UTRN: variants seen among roughly 807,000 people sequenced by gnomAD.
UTRN encodes utrophin.
Under a neutral mutation model 463.9 loss-of-function variants are expected in UTRN, and 283 were observed. The observed-to-expected ratio is 0.61, with a 90% CI of 0.55 to 0.67. The LOEUF (loss-of-function observed/expected upper bound fraction) is 0.67. Ranked by LOEUF, UTRN falls within the 30% of genes least tolerant of loss-of-function variation. The pLI, the probability that UTRN is intolerant of heterozygous loss-of-function variation, is 0.00. For synonymous variants in UTRN, 1,442 were observed against 1,431.5 expected (o/e 1.01, Z -0.17); for missense variants, 3,922 against 4,084.3 (o/e 0.96, Z 1.08).
chr6:144,722,370 A>C (rs371582693), intron 53 of UTRN, among the ~76,000 whole-genome samples: 2 of 151,532 alleles, frequency 1.3e-5, no homozygotes, highest in East Asian at 2.0e-4. Flanking sequence ...CTGACCACTT[A>C]CACAAAATAT....
At chr6:144,670,555 A>G (rs574531230) in intron 51 of UTRN, among the ~76,000 whole-genome samples, 6 of 152,040 alleles carry the variant, frequency 3.9e-5, no homozygotes, top group African/African-American at 1.4e-4. Context: ...TAGTTTGTGA[A>G]TATTTTTCCC....
intron 9 of UTRN, among the ~76,000 whole-genome samples, chr6:144,433,226 C>A (rs1392967649): frequency 6.6e-6 from 1 of 151,572 alleles, no homozygotes; most frequent in African/African-American, 2.4e-5. Context: ...GGGTGGTGGC[C>A]GGGCAGAGGG....
chr6:144,567,643 A>G (rs1340570518), intron 50 of UTRN, among the ~76,000 whole-genome samples: 4 of 152,198 alleles, frequency 2.6e-5, no homozygotes, highest in African/African-American at 9.6e-5. Context: ...TACCTTGTGA[A>G]GGTGCTCACT....
chr6:144,363,110 CATA>C (rs1779217874), intron 2 of UTRN, among the ~76,000 whole-genome samples: 1 of 152,044 alleles, frequency 6.6e-6, no homozygotes, highest in Non-Finnish European at 1.5e-5. Context: ...AATGGTTATA[CATA>C]ATAATTGATG....
In UTRN at chr6:144,554,861, G is replaced by A. The variant is rs1585248947; in HGVS notation, c.7102G>A (p.Asp2368Asn). Reference sequence around the variant, plus strand: ...CTATATTCTTCAGCAAGCCCGACGGGATCCACTCACCAAACAAATTTCTGA... The same window carrying A: ...CTATATTCTTCAGCAAGCCCGACGGAATCCACTCACCAAACAAATTTCTGA... ...RLYILQQARRDPLTKQISDNQ... is the reference protein window; with the variant it reads ...RLYILQQARRNPLTKQISDNQ... The change falls in exon 49 of 75, where the codon GAT (aspartate) becomes AAT (asparagine). Residue 2368 changes from aspartate (D) to asparagine (N), a missense_variant. Transcript: ENST00000367545. 2 of 1,613,930 alleles carry A rather than the reference G, an allele frequency of 1.2e-6. No individual in the cohort carries two copies. The highest frequency in any genetic ancestry group is 4.5e-5 in the East Asian group (2 of 44,818).
intron 34 of UTRN, among the ~76,000 whole-genome samples, chr6:144,507,612 T>G (rs1354856965): frequency 6.6e-6 from 1 of 152,164 alleles, no homozygotes; most frequent in Non-Finnish European, 1.5e-5. Flanking sequence ...TAGCAAAGAT[T>G]GCTCCCTGCT....
intron 50 of UTRN, among the ~76,000 whole-genome samples, chr6:144,574,061 A>G (rs1801200256): frequency 6.6e-6 from 1 of 152,176 alleles, no homozygotes; most frequent in African/African-American, 2.4e-5. Context: ...ATAAATGGAG[A>G]GGGTCAGCAA....
intron 61 of UTRN, among the ~76,000 whole-genome samples, chr6:144,783,070 C>A (rs1586553798): frequency 6.6e-6 from 1 of 151,962 alleles, no homozygotes; most frequent in Admixed American, 6.6e-5. Flanking sequence ...GTGGCAGGTG[C>A]CTGTAATCTC....
At chr6:144,413,321 A>G (rs1784080807) in intron 3 of UTRN, among the ~76,000 whole-genome samples, 1 of 152,184 alleles carries the variant, frequency 6.6e-6, no homozygotes, top group Non-Finnish European at 1.5e-5. Flanking sequence ...GTCTGTTCTT[A>G]TGCTGCTACT....
intron 12 of UTRN, 43 bp downstream of exon 12, chr6:144,438,938 A>T (rs756647213): frequency 6.3e-7 from 1 of 1,599,324 alleles, no homozygotes; most frequent in South Asian, 1.1e-5. Context: ...TCAAATATGA[A>T]AGAGCAGCAC....
intron 3 of UTRN, among the ~76,000 whole-genome samples, chr6:144,406,445 C>T (rs1783424779): frequency 6.7e-6 from 1 of 150,042 alleles, no homozygotes; most frequent in Non-Finnish European, 1.5e-5. Flanking sequence ...TTGCAGCCTG[C>T]AGCCTCTGCC....
chr6:144,544,935 C>T (rs1372186957), intron 46 of UTRN, among the ~76,000 whole-genome samples: 1 of 151,986 alleles, frequency 6.6e-6, no homozygotes, highest in East Asian at 1.9e-4. Context: ...AAGCATGTAG[C>T]TCTAGTCTAC....
intron 23 of UTRN, among the ~76,000 whole-genome samples, chr6:144,470,606 C>T (rs1213735832): frequency 6.6e-6 from 1 of 151,884 alleles, no homozygotes; most frequent in Non-Finnish European, 1.5e-5. Context: ...AGAGACGCTC[C>T]TCACTTCTTA....
chr6:144,509,365 A>T (rs1794983024), intron 34 of UTRN, among the ~76,000 whole-genome samples: 1 of 151,880 alleles, frequency 6.6e-6, no homozygotes, highest in Non-Finnish European at 1.5e-5. Context: ...TATATATTCA[A>T]TTTTTAAACA....
intron 46 of UTRN, among the ~76,000 whole-genome samples, chr6:144,547,961 G>T (rs1411426978): frequency 4.6e-5 from 7 of 152,002 alleles, no homozygotes; most frequent in African/African-American, 1.7e-4. Context: ...ACCTGAAGTA[G>T]GTTACAGATA....
At chr6:144,564,774 C>T (rs1477736515) in intron 50 of UTRN, among the ~76,000 whole-genome samples, 1 of 152,072 alleles carries the variant, frequency 6.6e-6, no homozygotes, top group Non-Finnish European at 1.5e-5. Flanking sequence ...CCAATTATGT[C>T]CACCTGGTCT....
At chr6:144,499,546 T>C (rs1424315361) in intron 34 of UTRN, 119 bp downstream of exon 34, 5 of 753,124 alleles carry the variant, frequency 6.6e-6, no homozygotes, top group Non-Finnish European at 9.5e-6. Flanking sequence ...TTTTCTTTTT[T>C]GCATTGTTTT....
intron 65 of UTRN, among the ~76,000 whole-genome samples, chr6:144,810,515 G>C (rs1209052822): frequency 6.6e-6 from 1 of 152,108 alleles, no homozygotes; most frequent in African/African-American, 2.4e-5. Flanking sequence ...TAGATAGATA[G>C]GCTGTATGCA....
chr6:144,581,693 G>A (rs893954514), intron 51 of UTRN, among the ~76,000 whole-genome samples: 1 of 152,016 alleles, frequency 6.6e-6, no homozygotes, highest in African/African-American at 2.4e-5. Flanking sequence ...AACTTTCTTG[G>A]CATATAATTC....
Sources: gnomAD v4.1 joint callset for allele counts (sites outside exome capture counted in the v4.1 genomes callset) on GRCh38, gnomAD v4.1.1 for gene constraint, MANE v1.5 for transcripts, NCBI Gene and HGNC (gene_info 2026-07-23, HGNC 2026-07-21) for gene names.